CNTN5: variants seen among roughly 807,000 people sequenced by gnomAD.
CNTN5 encodes the protein contactin-5.
CNTN5 carries 77 observed loss-of-function variants against 129.1 expected under a neutral mutation model. The observed-to-expected ratio is 0.60, with a 90% CI of 0.50 to 0.72. The LOEUF is 0.72. Among genes scored for constraint, CNTN5 ranks in the 30% least tolerant of loss-of-function variants. The pLI, the probability that CNTN5 is intolerant of heterozygous loss-of-function variation, is 0.00. For synonymous variants in CNTN5, 509 were observed against 465.6 expected (o/e 1.09, Z -1.20); for missense variants, 1,478 against 1,328.8 (o/e 1.11, Z -1.75).
Position 99,415,697 on chromosome 11 carries a change from G to A in CNTN5, c.-71+90213G>A, listed in dbSNP as rs149366486. Among the ~76,000 whole-genome samples the A allele has an allele frequency of 3.3e-3, 503 of 152,160 alleles. 2 individuals carry two copies. Among genetic ancestry groups the A allele is most frequent in the Non-Finnish European group, 6.4e-3 (434 of 68,020 alleles). ...GTCAAAGATAAACTTTGCTTCTGAG[G>A]CCTTCACTTTGTGATATCATTTTCT... On this transcript the variant is annotated intron_variant, in intron 2 of 24. Transcript: ENST00000524871.
intron 23 of CNTN5, among the ~76,000 whole-genome samples, chr11:100,345,768 A>G (rs1952265543): frequency 6.6e-6 from 1 of 152,052 alleles, no homozygotes; most frequent in Non-Finnish European, 1.5e-5. Flanking sequence ...TTTTTTTGAG[A>G]TTGTCTATGA....
intron 3 of CNTN5, among the ~76,000 whole-genome samples, chr11:99,767,965 T>C (rs567440189): frequency 1.1e-4 from 17 of 152,240 alleles, no homozygotes; most frequent in African/African-American, 4.1e-4. Flanking sequence ...TAGAGTTTCA[T>C]GGACAATTTC....
chr11:99,614,853 A>T (rs1462683452), intron 3 of CNTN5, among the ~76,000 whole-genome samples: 1 of 152,092 alleles, frequency 6.6e-6, no homozygotes, highest in Non-Finnish European at 1.5e-5. Flanking sequence ...ATAAAGAAGT[A>T]TCCCCTTTTT....
At chr11:100,100,301 A>C (rs893260655) in intron 13 of CNTN5, among the ~76,000 whole-genome samples, 8 of 152,090 alleles carry the variant, frequency 5.3e-5, no homozygotes, top group Non-Finnish European at 8.8e-5. Flanking sequence ...AAAAATACCA[A>C]ACACATAATA....
intron 6 of CNTN5, among the ~76,000 whole-genome samples, chr11:99,857,371 A>G (rs1239252915): frequency 6.6e-6 from 1 of 152,310 alleles, no homozygotes; most frequent in South Asian, 2.1e-4. Flanking sequence ...CACAGTAGCC[A>G]CTACCCTCAA....
At chr11:99,283,511 A>G (rs1014041813) in intron 1 of CNTN5, among the ~76,000 whole-genome samples, 8 of 152,116 alleles carry the variant, frequency 5.3e-5, no homozygotes, top group Non-Finnish European at 7.4e-5. Flanking sequence ...AACAGAAAAA[A>G]AGAGAATCAT....
At chr11:99,327,618 G>C (rs868306374) in intron 2 of CNTN5, among the ~76,000 whole-genome samples, 1 of 152,112 alleles carries the variant, frequency 6.6e-6, no homozygotes, top group Non-Finnish European at 1.5e-5. Context: ...GACAAACTGA[G>C]CACTCCAAAA....
intron 3 of CNTN5, among the ~76,000 whole-genome samples, chr11:99,710,002 T>C (rs1353091875): frequency 6.6e-6 from 1 of 151,908 alleles, no homozygotes; most frequent in Non-Finnish European, 1.5e-5. Flanking sequence ...TCATTCTGCC[T>C]GCCTTCCTCT....
chr11:99,999,690 G>A (rs1338022494), intron 8 of CNTN5, among the ~76,000 whole-genome samples: 8 of 152,002 alleles, frequency 5.3e-5, no homozygotes, highest in East Asian at 1.9e-4. Flanking sequence ...TCATGCTGCT[G>A]TAAAGACACA....
intron 3 of CNTN5, among the ~76,000 whole-genome samples, chr11:99,763,245 C>T (rs958739366): frequency 2.0e-5 from 3 of 152,030 alleles, no homozygotes; most frequent in Non-Finnish European, 4.4e-5. Context: ...CACATAAATA[C>T]ATTTCCCTTT....
At chr11:99,696,153 T>C (rs984774974) in intron 3 of CNTN5, among the ~76,000 whole-genome samples, 6 of 152,120 alleles carry the variant, frequency 3.9e-5, no homozygotes, top group Admixed American at 3.9e-4. Flanking sequence ...ATTTTCTTTA[T>C]ACCTGTATAT....
chr11:99,327,420 C>T (rs1177170722), intron 2 of CNTN5, among the ~76,000 whole-genome samples: 1 of 152,096 alleles, frequency 6.6e-6, no homozygotes, highest in Non-Finnish European at 1.5e-5. Context: ...TTAGAAGAGG[C>T]TCTTTGTCAA....
At chr11:99,768,271 A>G (rs2135318720) in intron 3 of CNTN5, among the ~76,000 whole-genome samples, 4 of 152,260 alleles carry the variant, frequency 2.6e-5, no homozygotes, top group Admixed American at 2.6e-4. Flanking sequence ...ATGGATGTAT[A>G]TGTACACAAA....
intron 3 of CNTN5, among the ~76,000 whole-genome samples, chr11:99,599,447 A>C (rs1403352677): frequency 6.6e-6 from 1 of 152,162 alleles, no homozygotes; most frequent in Non-Finnish European, 1.5e-5. Context: ...TTTATAAGAA[A>C]TCAAACATCC....
chr11:99,307,880 C>A (rs1279011008), intron 1 of CNTN5, among the ~76,000 whole-genome samples: 1 of 152,098 alleles, frequency 6.6e-6, no homozygotes, highest in East Asian at 1.9e-4. Context: ...AGTATGCAGA[C>A]CTGCTGGAGC....
At chr11:99,457,019 T>C (rs574335835) in intron 2 of CNTN5, among the ~76,000 whole-genome samples, 40 of 152,120 alleles carry the variant, frequency 2.6e-4, no homozygotes, top group African/African-American at 9.6e-4. Flanking sequence ...GCCCTTGCCC[T>C]AACAGAATTT....
intron 1 of CNTN5, among the ~76,000 whole-genome samples, chr11:99,059,542 A>G (rs555411494): frequency 7.9e-5 from 12 of 152,210 alleles, no homozygotes; most frequent in Admixed American, 7.2e-4. Context: ...TTCTCTGAAA[A>G]CATTTGTAGA....
chr11:99,126,255 A>G lies in CNTN5; in HGVS notation c.-210+104985A>G, dbSNP rs556303723. 3.6e-4 allele frequency among the ~76,000 whole-genome samples: 55 copies of G among 152,314 alleles called. 1 individual carries two copies. The South Asian group carries it at 4.8e-3, about 13-fold the overall frequency. On this transcript the variant is annotated intron_variant, in intron 1 of 24. Coordinates refer to ENST00000524871, the MANE Select transcript of CNTN5 (RefSeq NM_014361.4). The stretch of plus-strand genomic sequence containing the variant: ...TTAAGTATTCTTACTGTTCAGGCGT[A>G]TGTCATGTTGAACAGTAAAATAGAA...
At chr11:99,795,419 C>A (rs1945897287) in intron 3 of CNTN5, among the ~76,000 whole-genome samples, 1 of 152,092 alleles carries the variant, frequency 6.6e-6, no homozygotes, top group South Asian at 2.1e-4. Flanking sequence ...GTTTTTCTGT[C>A]ATTTCAGCCA....
Sources: allele counts gnomAD v4.1 joint callset (sites outside exome capture counted in the v4.1 genomes callset), GRCh38; gene constraint gnomAD v4.1.1; transcripts MANE v1.5; gene names NCBI Gene and HGNC (gene_info 2026-07-23, HGNC 2026-07-21).